Variants in MICU3 observed in about 807,000 individuals in gnomAD.
MICU3 encodes calcium uptake protein 3, mitochondrial.
Under a neutral mutation model 66.5 loss-of-function variants are expected in MICU3, and 62 were observed. The observed-to-expected ratio is 0.93, with a 90% CI of 0.76 to 1.15. The LOEUF (loss-of-function observed/expected upper bound fraction) is 1.15. Among genes scored for constraint, MICU3 ranks in the 50% most tolerant of loss-of-function variants. The pLI is 0.00. For synonymous variants in MICU3, 308 were observed against 240.7 expected, an observed-to-expected ratio of 1.28 and a Z score of -2.59; for missense variants, 779 against 664.4, an observed-to-expected ratio of 1.17 and a Z score of -1.90.
intron 1 of MICU3, among the ~76,000 whole-genome samples, chr8:17,044,854 GAT>G (rs1814791543): frequency 6.6e-6 from 1 of 152,190 alleles, no homozygotes; most frequent in Non-Finnish European, 1.5e-5. Context: ...TGAAAATCAT[GAT>G]GCTGCCATTC....
chr8:17,119,304 A>G (rs1802991087), intron 14 of MICU3, among the ~76,000 whole-genome samples: 1 of 152,032 alleles, frequency 6.6e-6, no homozygotes, highest in Non-Finnish European at 1.5e-5. Flanking sequence ...TCCTTATCAC[A>G]TTTTTATTAT....
chr8:17,109,437 G>C (rs185666230), intron 11 of MICU3, among the ~76,000 whole-genome samples: 1 of 152,200 alleles, frequency 6.6e-6, no homozygotes, highest in African/African-American at 2.4e-5. Flanking sequence ...ATGTCTTTCA[G>C]TAAGTCACTG....
chr8:17,075,366 C>T (rs936765307), intron 3 of MICU3, among the ~76,000 whole-genome samples: 6 of 152,264 alleles, frequency 3.9e-5, no homozygotes, highest in South Asian at 2.1e-4. Flanking sequence ...TCACTAAAGC[C>T]CCAACTCTGT....
intron 1 of MICU3, among the ~76,000 whole-genome samples, chr8:17,045,790 A>G (rs1322564037): frequency 6.6e-6 from 1 of 152,214 alleles, no homozygotes; most frequent in Non-Finnish European, 1.5e-5. Context: ...AAGCAAAGTC[A>G]CATCTTACAT....
intron 2 of MICU3, among the ~76,000 whole-genome samples, chr8:17,067,461 G>C (rs183913940): frequency 2.0e-5 from 3 of 150,442 alleles, no homozygotes; most frequent in African/African-American, 7.4e-5. Flanking sequence ...GAGGAGACTC[G>C]CTCTGTCAAC....
At chr8:17,048,485 G>T (rs1815484668) in intron 1 of MICU3, among the ~76,000 whole-genome samples, 1 of 152,170 alleles carries the variant, frequency 6.6e-6, no homozygotes, top group African/African-American at 2.4e-5. Flanking sequence ...CACAAGAACA[G>T]TGTGGGAAAG....
chr8:17,051,054 A>T (rs761430547), intron 1 of MICU3, among the ~76,000 whole-genome samples: 5 of 152,106 alleles, frequency 3.3e-5, no homozygotes, highest in Non-Finnish European at 7.4e-5. Context: ...TAACATTTAA[A>T]TGGTTTTTTA....
At chr8:17,067,849 T>A (rs1361578386) in intron 2 of MICU3, among the ~76,000 whole-genome samples, 1 of 152,130 alleles carries the variant, frequency 6.6e-6, no homozygotes, top group African/African-American at 2.4e-5. Flanking sequence ...TATGATGACA[T>A]TCAACAGGGA....
At chr8:17,136,390 T>C in the MICU3 span, among the ~76,000 whole-genome samples, 1 of 152,092 alleles carries the variant, frequency 6.6e-6, no homozygotes, top group Non-Finnish European at 1.5e-5. Context: ...CCTTGCACAG[T>C]TGGGTTGGGT....
At chr8:17,110,789 C>T (rs1338267185) in intron 11 of MICU3, among the ~76,000 whole-genome samples, 1 of 151,516 alleles carries the variant, frequency 6.6e-6, no homozygotes, top group Non-Finnish European at 1.5e-5. Context: ...TTTGCCTAGA[C>T]TTGTCTCAAA....
intron 11 of MICU3, among the ~76,000 whole-genome samples, chr8:17,113,825 GC>G (rs749932023): frequency 2.0e-5 from 3 of 151,498 alleles, no homozygotes; most frequent in Non-Finnish European, 2.9e-5. Flanking sequence ...TTTTATTGGA[GC>G]TTTTTTTTTG....
At chr8:17,115,227 T>C (rs2150834839) in intron 12 of MICU3, among the ~76,000 whole-genome samples, 1 of 152,292 alleles carries the variant, frequency 6.6e-6, no homozygotes, top group Admixed American at 6.5e-5. Flanking sequence ...AAAACATAGA[T>C]ACTGATTTCA....
chr8:17,136,428 A>T, the MICU3 span, among the ~76,000 whole-genome samples: 1 of 152,088 alleles, frequency 6.6e-6, no homozygotes, highest in African/African-American at 2.4e-5. Flanking sequence ...CCGCAGTTGC[A>T]CAAAGACCCA....
At chr8:17,082,852 A>G (rs1362879896) in intron 5 of MICU3, among the ~76,000 whole-genome samples, 1 of 152,178 alleles carries the variant, frequency 6.6e-6, no homozygotes, top group African/African-American at 2.4e-5. Context: ...GTTCTGTTAC[A>G]GTAAGTTTTG....
chr8:17,027,284 C>G lies in MICU3; in HGVS notation c.5C>G (p.Ala2Gly), dbSNP rs1296715614. ...CTGGTGTGGGCGGCCTCCGCTATGG[C>G]TGCGCTGCGAAGGCTCTTGTGGCCG... M[A>G]ALRRLLWPPP... The change falls in exon 1 of 15, where the codon GCT (alanine) becomes GGT (glycine). Residue 2 changes from alanine (A) to glycine (G), a missense_variant. Coordinates refer to ENST00000318063, the MANE Select transcript of MICU3 (RefSeq NM_181723.3). 1 of 1,381,756 alleles carries G rather than the reference C, an allele frequency of 7.2e-7. No individual in the cohort carries two copies. The highest frequency in any genetic ancestry group is 1.3e-5 in the South Asian group (1 of 77,476). 85.6% of individuals were successfully genotyped at this position (1,381,756 alleles called of 1,614,324 possible). A position where few individuals can be genotyped will look rare whatever the true frequency, so the allele number is the denominator to read the frequency against.
chr8:17,111,869 A>AG (rs1285569746), intron 11 of MICU3, among the ~76,000 whole-genome samples: 1 of 152,184 alleles, frequency 6.6e-6, no homozygotes, highest in Non-Finnish European at 1.5e-5. Flanking sequence ...TAAAGGAAAG[A>AG]GGTTTAATTG....
At chr8:17,135,567 AC>A in the MICU3 span, among the ~76,000 whole-genome samples, 1 of 152,004 alleles carries the variant, frequency 6.6e-6, no homozygotes, top group East Asian at 1.9e-4. Flanking sequence ...TTACATGCAA[AC>A]TAAGGCAAAT....
At chr8:17,066,199 A>G (rs1218897016) in intron 2 of MICU3, among the ~76,000 whole-genome samples, 1 of 152,018 alleles carries the variant, frequency 6.6e-6, no homozygotes, top group Admixed American at 6.6e-5. Flanking sequence ...TTGCTAATAA[A>G]TATAGAGACC....
At chr8:17,079,537 T>C (rs1585380287) in intron 4 of MICU3, among the ~76,000 whole-genome samples, 1 of 152,190 alleles carries the variant, frequency 6.6e-6, no homozygotes, top group East Asian at 1.9e-4. Flanking sequence ...TATTTTTATT[T>C]TTGTTTTATT....
Sources: allele counts gnomAD v4.1 joint callset (sites outside exome capture counted in the v4.1 genomes callset), GRCh38; gene constraint gnomAD v4.1.1; transcripts MANE v1.5; gene names NCBI Gene and HGNC (gene_info 2026-07-23, HGNC 2026-07-21).